The following SEPTIN7 variants were observed in gnomAD, a reference collection of about 807,000 sequenced individuals.
The protein encoded by SEPTIN7 is septin 7.
A neutral mutation model predicts 63.3 loss-of-function variants in SEPTIN7; 10 were observed. That is an observed-to-expected ratio of 0.16 (90% CI 0.10 to 0.27). The LOEUF is 0.27. Among genes scored for constraint, SEPTIN7 ranks in the 10% least tolerant of loss-of-function variants. The pLI is 1.00. For synonymous variants in SEPTIN7, 131 were observed against 165.3 expected, an observed-to-expected ratio of 0.79 and a Z score of 1.59; for missense variants, 310 against 521.0, an observed-to-expected ratio of 0.59 and a Z score of 3.94.
the SEPTIN7 span, among the ~76,000 whole-genome samples, chr7:35,914,832 G>T: frequency 1.3e-5 from 2 of 151,334 alleles, no homozygotes; most frequent in Non-Finnish European, 2.9e-5. Context: ...AGATATGTAC[G>T]TGTGTGTATA....
At chr7:35,877,297 C>G (rs537521736) in intron 6 of SEPTIN7, among the ~76,000 whole-genome samples, 1 of 152,192 alleles carries the variant, frequency 6.6e-6, no homozygotes, top group South Asian at 2.1e-4. Context: ...TAGGAGGCAG[C>G]TATCTTAATT....
intron 4 of SEPTIN7, among the ~76,000 whole-genome samples, chr7:35,865,491 C>T (rs1785762936): frequency 6.6e-6 from 1 of 151,898 alleles, no homozygotes; most frequent in Non-Finnish European, 1.5e-5. Context: ...TCGTATGCTA[C>T]TCCATTGTGT....
chr7:35,883,815 G>A (rs1787055890), intron 8 of SEPTIN7, 76 bp from the exon 9 acceptor site: 3 of 779,946 alleles, frequency 3.8e-6, no homozygotes, highest in African/African-American at 3.5e-5. Context: ...AACCTGTTGA[G>A]TAATGTAACT....
chr7:35,833,001 T>C (rs1783906665), intron 3 of SEPTIN7, 101 bp downstream of exon 3: 1 of 692,970 alleles, frequency 1.4e-6, no homozygotes. Context: ...ATATCTACAG[T>C]GATCATATCT....
At chr7:35,860,359 A>G (rs1297624191) in intron 3 of SEPTIN7, among the ~76,000 whole-genome samples, 1 of 152,232 alleles carries the variant, frequency 6.6e-6, no homozygotes, top group African/African-American at 2.4e-5. Context: ...AAAAACTCAT[A>G]GAAAATATAA....
At chr7:35,821,000 A>G (rs1789376568) in intron 1 of SEPTIN7, among the ~76,000 whole-genome samples, 1 of 152,164 alleles carries the variant, frequency 6.6e-6, no homozygotes, top group Admixed American at 6.5e-5. Flanking sequence ...TTTAGGGACT[A>G]CCAGACACAT....
At chr7:35,806,486 AC>A (rs1788347912) in intron 1 of SEPTIN7, among the ~76,000 whole-genome samples, 2 of 152,192 alleles carry the variant, frequency 1.3e-5, no homozygotes, top group Non-Finnish European at 2.9e-5. Flanking sequence ...TGGGAGAGGG[AC>A]CCAGGAGTCT....
intron 11 of SEPTIN7, among the ~76,000 whole-genome samples, chr7:35,892,024 A>C (rs1276459299): frequency 6.6e-6 from 1 of 152,218 alleles, no homozygotes; most frequent in Non-Finnish European, 1.5e-5. Flanking sequence ...GCCACTGGGC[A>C]GTAGGAATCT....
At chr7:35,902,547 C>CA (rs985113866) in intron 12 of SEPTIN7, 20 of 152,204 alleles carry the variant, frequency 1.3e-4, no homozygotes, top group African/African-American at 4.3e-4. Context: ...TTACAGGAAT[C>CA]AGAGTACTTT....
rs1562721575 is a variant in SEPTIN7 at position 35,801,189 on chromosome 7, G to C, written c.-21G>C. ...CGGCGGGCTGCGCTCCGCTGGGGCT[G>C]GTCGCGGAGGGGGGGAGGGGATGTC... On this transcript the variant is annotated 5_prime_UTR_variant, in exon 1 of 14. Coordinates refer to ENST00000350320, the MANE Select transcript of SEPTIN7 (RefSeq NM_001788.6). 1 of 1,490,958 alleles carries C rather than the reference G, an allele frequency of 6.7e-7. No homozygotes were observed. Among genetic ancestry groups the C allele is most frequent in the Non-Finnish European group, 8.9e-7 (1 of 1,118,202 alleles). 92.4% of individuals were successfully genotyped at this position (1,490,958 alleles called of 1,614,324 possible). A position where few individuals can be genotyped will look rare whatever the true frequency, so the allele number is the denominator to read the frequency against.
At chr7:35,880,223 C>CTTTTTTTTTTTTTTTTTTTTATTTT in intron 7 of SEPTIN7, among the ~76,000 whole-genome samples, 1 of 72,776 alleles carries the variant, frequency 1.4e-5, no homozygotes, top group African/African-American at 6.0e-5. Context: ...TTTTTCTTTT[C>CTTTTTTTTTTTTTTTTTTTTATTTT]TTTTTTTTTT....
At chr7:35,909,172 G>A (rs1406904283), downstream of SEPTIN7, among the ~76,000 whole-genome samples, 1 of 151,992 alleles carries the variant, frequency 6.6e-6, no homozygotes, top group South Asian at 2.1e-4. Context: ...ACAAATCTCT[G>A]GCTTACCCTG....
At chr7:35,890,598 T>G (rs1331588323) in intron 10 of SEPTIN7, 70 bp from the exon 11 acceptor site, 1 of 1,303,556 alleles carries the variant, frequency 7.7e-7, no homozygotes, top group East Asian at 2.8e-5. Context: ...TGAATTCATA[T>G]TAAAACTTTT....
intron 4 of SEPTIN7, among the ~76,000 whole-genome samples, chr7:35,866,215 C>T (rs531640741): frequency 6.6e-6 from 1 of 152,244 alleles, no homozygotes; most frequent in Non-Finnish European, 1.5e-5. Context: ...ACTCTTTTGC[C>T]CACTTACTCA....
chr7:35,821,189 T>C (rs945734551), intron 1 of SEPTIN7, among the ~76,000 whole-genome samples: 6 of 152,252 alleles, frequency 3.9e-5, no homozygotes, highest in Non-Finnish European at 7.3e-5. Flanking sequence ...CTGCTGTTTT[T>C]ACCAAGGCTC....
At chr7:35,843,547 A>G (rs1458993282) in intron 3 of SEPTIN7, among the ~76,000 whole-genome samples, 1 of 152,228 alleles carries the variant, frequency 6.6e-6, no homozygotes, top group Non-Finnish European at 1.5e-5. Flanking sequence ...TGACTGTATT[A>G]TAGAATTAAT....
rs1210371831 is a variant in SEPTIN7 at position 35,905,438 on chromosome 7, T to C, written c.*1145T>C. 6.6e-6 allele frequency: 1 copy of C among 152,248 alleles called. No individual in the cohort carries two copies. The highest frequency in any genetic ancestry group is 6.5e-5 in the Admixed American group (1 of 15,284). The allele number at this position is 152,248 out of a possible 1,614,324, so 9.4% of individuals were successfully genotyped here. On this transcript the variant is annotated 3_prime_UTR_variant, in exon 14 of 14. Transcript: ENST00000350320. ...ATATGCTTGTCTCATTTAGAATGCA[T>C]ATGTGCTGATTTTCTAATTTAAGAG...
At chr7:35,875,046 A>C (rs1434479743) in intron 6 of SEPTIN7, among the ~76,000 whole-genome samples, 2 of 152,156 alleles carry the variant, frequency 1.3e-5, no homozygotes, top group Non-Finnish European at 2.9e-5. Flanking sequence ...CTTATAACCA[A>C]TTTTATTATT....
chr7:35,865,549 G>C (rs1785766042), intron 4 of SEPTIN7, among the ~76,000 whole-genome samples: 1 of 151,052 alleles, frequency 6.6e-6, no homozygotes, highest in Non-Finnish European at 1.5e-5. Flanking sequence ...AAGCCTTTGG[G>C]TTTCAGTTTT....
Sources: allele counts gnomAD v4.1 joint callset (sites outside exome capture counted in the v4.1 genomes callset), GRCh38; gene constraint gnomAD v4.1.1; transcripts MANE v1.5; gene names NCBI Gene and HGNC (gene_info 2026-07-23, HGNC 2026-07-21).